Variants in NRP1 observed in about 807,000 individuals in gnomAD.
NRP1 encodes the protein neuropilin-1.
A neutral mutation model predicts 106.7 loss-of-function variants in NRP1; 35 were observed. That is an observed-to-expected ratio of 0.33 (90% CI 0.25 to 0.43). The LOEUF (loss-of-function observed/expected upper bound fraction) is 0.43. NRP1 is among the 20% of genes least tolerant of loss of function. The pLI is 1.00. For synonymous variants in NRP1, 437 were observed against 417.9 expected (o/e 1.05, Z -0.56); for missense variants, 1,024 against 1,170.4 (o/e 0.87, Z 1.83).
At chr10:33,237,688 A>G (rs1406277957) in intron 6 of NRP1, among the ~76,000 whole-genome samples, 1 of 145,792 alleles carries the variant, frequency 6.9e-6, no homozygotes, top group East Asian at 2.0e-4. Flanking sequence ...AAGTGATTAT[A>G]GTCGCTGGGA....
intron 11 of NRP1, among the ~76,000 whole-genome samples, chr10:33,198,815 A>T (rs1265589318): frequency 1.3e-5 from 2 of 152,086 alleles, no homozygotes; most frequent in Admixed American, 1.3e-4. Context: ...AAGGACAAAT[A>T]CCCTGCCCTG....
chr10:33,298,755 G>A (rs1845593194), intron 2 of NRP1, among the ~76,000 whole-genome samples: 1 of 152,096 alleles, frequency 6.6e-6, no homozygotes, highest in Admixed American at 6.6e-5. Context: ...GAGAAAGATA[G>A]TATCTTGCAG....
Position 33,334,347 on chromosome 10 carries a change from G to A in NRP1, c.36C>T (p.Leu12=), listed in dbSNP as rs1296713040. The A allele has an allele frequency of 1.9e-6, 3 of 1,546,592 alleles. No homozygotes were observed. In the South Asian group the frequency reaches 3.6e-5, roughly 18 times the overall value. Residue 12 remains leucine (L), a synonymous_variant, in exon 1 of 17, where the codon CTC becomes CTT. Transcript: ENST00000374867. ...CGCCGGCCGGGGCGAGGACGAGGGC[G>A]AGCACGGCGCAGAGGAGCGGCAGCC... ...ERGLPLLCAV[L]ALVLAPAGAF...
chr10:33,274,407 G>A (rs762073418), intron 2 of NRP1, among the ~76,000 whole-genome samples: 2 of 152,176 alleles, frequency 1.3e-5, no homozygotes, highest in Non-Finnish European at 2.9e-5. Flanking sequence ...GAATTCTTAA[G>A]AGCATTACCT....
rs747541753 is a variant in NRP1 at position 33,180,241 on chromosome 10, G to A, written c.2607C>T (p.Val869=). Residue 869 remains valine (V), a synonymous_variant, in exon 17 of 17, where the codon GTC becomes GTT. Coordinates refer to ENST00000374867, the MANE Select transcript of NRP1 (RefSeq NM_003873.7). ...CGACCCCACAGACAGCCCCCAGGAG[G>A]ACCCCCAGGGCACTCATGGCTATGA... ...ITIIAMSALG[V]LLGAVCGVVL... 4 of 1,614,102 alleles carry A rather than the reference G, an allele frequency of 2.5e-6. No individual in the cohort carries two copies.
At chr10:33,224,375 A>G (rs1391393003) in intron 7 of NRP1, among the ~76,000 whole-genome samples, 2 of 152,028 alleles carry the variant, frequency 1.3e-5, no homozygotes, top group Admixed American at 6.5e-5. Flanking sequence ...TGAAGAAAAC[A>G]TGTTGGTGAA....
intron 2 of NRP1, among the ~76,000 whole-genome samples, chr10:33,281,109 G>A (rs1408788051): frequency 9.9e-5 from 15 of 151,538 alleles, no homozygotes; most frequent in Non-Finnish European, 1.5e-5. Flanking sequence ...GAGTGCAGTG[G>A]CACAATCTTG....
intron 6 of NRP1, among the ~76,000 whole-genome samples, chr10:33,251,524 G>T (rs191215689): frequency 3.5e-4 from 54 of 152,282 alleles, no homozygotes; most frequent in African/African-American, 1.2e-3. Flanking sequence ...TAAGCAAGAA[G>T]AAAACCCTCT....
chr10:33,287,921 G>A (rs564138563), intron 2 of NRP1, among the ~76,000 whole-genome samples: 6 of 152,178 alleles, frequency 3.9e-5, no homozygotes, highest in Non-Finnish European at 8.8e-5. Flanking sequence ...TCTCGAGCAT[G>A]CTTAGCCCAT....
At chr10:33,253,048 T>C (rs1048430010) in intron 6 of NRP1, among the ~76,000 whole-genome samples, 4 of 151,928 alleles carry the variant, frequency 2.6e-5, no homozygotes, top group Non-Finnish European at 4.4e-5. Flanking sequence ...AGTCATTTTA[T>C]ATCTAGCAAT....
Position 33,333,168 on chromosome 10 carries a change from C to T in NRP1, c.73+1142G>A, listed in dbSNP as rs945882800. The stretch of plus-strand genomic sequence containing the variant: ...TCATAATTTTTTGTGTCTTGCTTTC[C>T]TGCCAGATTATAGAAAAATGCCATC... On this transcript the variant is annotated intron_variant, in intron 1 of 16. Transcript: ENST00000374867. Among the ~76,000 whole-genome samples the T allele has an allele frequency of 3.0e-4, 45 of 152,086 alleles. 1 individual carries two copies. Among genetic ancestry groups the T allele is most frequent in the Admixed American group, 2.8e-3 (43 of 15,262 alleles).
chr10:33,195,622 G>C (rs755302729), intron 12 of NRP1: 4 of 531,542 alleles, frequency 7.5e-6, no homozygotes, highest in Admixed American at 5.8e-5. Context: ...CAGGCCACTG[G>C]GTCAACTCTT....
In NRP1 at chr10:33,188,936, T is replaced by TATATATATATATATAA. The variant is rs543920885; in HGVS notation, c.2063-2449_2063-2448insTTATATATATATATAT. Reference sequence around the variant, plus strand: ...ATATATATATATATATATATATATATAAATTAAAACTGCTCGTGTTGCTCC... The same window carrying TATATATATATATATAA: ...ATATATATATATATATATATATATATATATATATATATATAAAAATTAAAACTGCTCGTGTTGCTCC... On this transcript the variant is annotated intron_variant, in intron 13 of 16. Coordinates refer to ENST00000374867, the MANE Select transcript of NRP1 (RefSeq NM_003873.7). 4.0e-4 allele frequency among the ~76,000 whole-genome samples: 57 copies of TATATATATATATATAA among 143,340 alleles called. 1 individual carries two copies. The highest frequency in any genetic ancestry group is 1.4e-3 in the African/African-American group (54 of 37,502). The allele number at this position is 143,340 out of a possible 152,430, so 94.0% of individuals were successfully genotyped here.
At chr10:33,230,597 ATGTGTGTGTGTGTGTGTGTG>A (rs10558085) in intron 6 of NRP1, among the ~76,000 whole-genome samples, 1 of 144,584 alleles carries the variant, frequency 6.9e-6, no homozygotes, top group African/African-American at 2.5e-5. Flanking sequence ...TTTCTCATAT[ATGTGTGTGTGTGTGTGTGTG>A]TGTGTGTGTG....
chr10:33,331,325 T>C (rs1457426471), intron 1 of NRP1, among the ~76,000 whole-genome samples: 1 of 152,252 alleles, frequency 6.6e-6, no homozygotes, highest in Non-Finnish European at 1.5e-5. Flanking sequence ...ATGATAAGCC[T>C]GGTCTATGTC....
At position 33,244,720 on chromosome 10, in the gene NRP1, C is replaced by T. The variant is rs145095371; in HGVS notation, c.981+9308G>A. On this transcript the variant is annotated intron_variant, in intron 6 of 16. Coordinates refer to ENST00000374867, the MANE Select transcript of NRP1 (RefSeq NM_003873.7). ...GCCTTTTCAACCACAATTCTTTACT[C>T]TTGATTATATTTGAATTAAAAAAAA... is the stretch of plus-strand genomic sequence containing the variant. Among the ~76,000 whole-genome samples, 3 of 152,188 alleles carry T rather than the reference C, an allele frequency of 2.0e-5. No homozygotes were observed. The East Asian group carries it at 5.8e-4, about 29-fold the overall frequency.
chr10:33,330,767 T>C lies in NRP1; in HGVS notation c.189A>G (p.Pro63=), dbSNP rs756712140. Residue 63 remains proline (P), a synonymous_variant, in exon 2 of 17, where the codon CCA becomes CCG. Coordinates refer to ENST00000374867, the MANE Select transcript of NRP1 (RefSeq NM_003873.7). ...TGAAGTTGATCATAATTCTCTGGTA[T>C]GGGTCCGGAGCCTGAATCAGCCATT... ...KCEWLIQAPD[P]YQRIMINFNP... is the part of the protein sequence containing the mutation. The C allele has an allele frequency of 6.2e-7, 1 of 1,613,920 alleles. No homozygotes were observed. Among genetic ancestry groups the C allele is most frequent in the Non-Finnish European group, 8.5e-7 (1 of 1,179,864 alleles).
chr10:33,229,516 T>TG (rs1839938483), intron 6 of NRP1, among the ~76,000 whole-genome samples: 1 of 152,224 alleles, frequency 6.6e-6, no homozygotes, highest in Admixed American at 6.5e-5. Flanking sequence ...AACTTACAGA[T>TG]GGCTCTTTAG....
intron 6 of NRP1, among the ~76,000 whole-genome samples, chr10:33,250,734 A>T (rs1476435034): frequency 2.0e-5 from 3 of 152,198 alleles, no homozygotes; most frequent in African/African-American, 7.2e-5. Context: ...GGGGATGATT[A>T]TACCTCCTTC....
Sources: allele counts gnomAD v4.1 joint callset (sites outside exome capture counted in the v4.1 genomes callset), GRCh38; gene constraint gnomAD v4.1.1; transcripts MANE v1.5; gene names NCBI Gene and HGNC (gene_info 2026-07-23, HGNC 2026-07-21).